Variants in HTR4 observed in about 807,000 individuals in gnomAD.
HTR4 encodes the protein 5-hydroxytryptamine (serotonin) receptor 4, G protein-coupled.
HTR4 carries 16 observed loss-of-function variants against 36.8 expected under a neutral mutation model. The observed-to-expected ratio is 0.43, with a 90% CI of 0.29 to 0.66. The LOEUF is 0.66. HTR4 is among the 30% of genes least tolerant of loss of function. The pLI, the probability that HTR4 is intolerant of heterozygous loss-of-function variation, is 0.13. For synonymous variants in HTR4, 189 were observed against 185.1 expected (o/e 1.02, Z -0.17); for missense variants, 438 against 490.9 (o/e 0.89, Z 1.02).
chr5:148,564,987 A>G, intron 2 of HTR4, among the ~76,000 whole-genome samples: 1 of 151,676 alleles, frequency 6.6e-6, no homozygotes, highest in East Asian at 1.9e-4. Flanking sequence ...GCAGGCACCT[A>G]TAATACCAGC....
chr5:148,534,135 C>A (rs1456194151), intron 4 of HTR4, among the ~76,000 whole-genome samples: 2 of 152,112 alleles, frequency 1.3e-5, no homozygotes, highest in African/African-American at 4.8e-5. Context: ...ATGTTACATG[C>A]CAATAGATAA....
In HTR4 at chr5:148,481,736, A is replaced by G. The variant is rs2113715881; in HGVS notation, c.*1467T>C. 1 of 1,433,354 alleles carries G rather than the reference A, an allele frequency of 7.0e-7. No individual in the cohort carries two copies. The highest frequency in any genetic ancestry group is 1.6e-5 in the South Asian group (1 of 63,036). 88.8% of individuals were successfully genotyped at this position (1,433,354 alleles called of 1,614,324 possible). A position where few individuals can be genotyped will look rare whatever the true frequency, so the allele number is the denominator to read the frequency against. The stretch of plus-strand genomic sequence containing the variant: ...ATGCTATTAAACCACAGCCAAGATC[A>G]AAGTCAGAATCTCACATGGCTCTGG... On this transcript the variant is annotated 3_prime_UTR_variant, in exon 7 of 7. Coordinates refer to ENST00000377888, the MANE Select transcript of HTR4 (RefSeq NM_000870.7).
chr5:148,557,047 T>C lies in HTR4; in HGVS notation c.27-6785A>G, dbSNP rs539895138. On this transcript the variant is annotated intron_variant, in intron 2 of 6. Coordinates refer to ENST00000377888, the MANE Select transcript of HTR4 (RefSeq NM_000870.7). The stretch of plus-strand genomic sequence containing the variant: ...GGAAATGAGCAAGGGACTGAGCATC[T>C]GAGATGAGCTCAGACAAGTAGTCGG... 8.7e-4 allele frequency among the ~76,000 whole-genome samples: 132 copies of C among 152,268 alleles called. 1 individual carries two copies. The highest frequency in any genetic ancestry group is 3.1e-3 in the African/African-American group (129 of 41,556).
chr5:148,638,056 A>G (rs1753608471), intron 1 of HTR4, among the ~76,000 whole-genome samples: 1 of 152,188 alleles, frequency 6.6e-6, no homozygotes, highest in Non-Finnish European at 1.5e-5. Flanking sequence ...TATCTACATA[A>G]AAGAACCATG....
At chr5:148,527,049 G>T (rs908489478) in intron 4 of HTR4, among the ~76,000 whole-genome samples, 5 of 152,138 alleles carry the variant, frequency 3.3e-5, no homozygotes, top group Non-Finnish European at 7.4e-5. Context: ...TCAACACAAA[G>T]AAATGATAAA....
chr5:148,525,199 C>T (rs1382795255), intron 4 of HTR4, among the ~76,000 whole-genome samples: 1 of 152,198 alleles, frequency 6.6e-6, no homozygotes, highest in Non-Finnish European at 1.5e-5. Flanking sequence ...TCCCTCCACA[C>T]TGTTGGCTTA....
chr5:148,517,746 G>A (rs77414382), intron 5 of HTR4, among the ~76,000 whole-genome samples: 2,203 of 152,130 alleles, frequency 0.014, 57 homozygotes, highest in African/African-American at 0.05. Flanking sequence ...TCACCTGTCA[G>A]ATTACTTCAA....
At chr5:148,507,940 T>A (rs1206486486) in intron 6 of HTR4, among the ~76,000 whole-genome samples, 1 of 152,146 alleles carries the variant, frequency 6.6e-6, no homozygotes, top group African/African-American at 2.4e-5. Context: ...TCTATGACAC[T>A]CCTGAAGGCA....
chr5:148,501,234 T>TA (rs1025978374), intron 6 of HTR4, among the ~76,000 whole-genome samples: 4 of 152,096 alleles, frequency 2.6e-5, no homozygotes, highest in African/African-American at 9.7e-5. Flanking sequence ...TGTTAAAGGA[T>TA]AAAAAAACAA....
Position 148,483,160 on chromosome 5 carries a change from C to T in HTR4, c.*43G>A. On this transcript the variant is annotated 3_prime_UTR_variant, in exon 7 of 7. Coordinates refer to ENST00000377888, the MANE Select transcript of HTR4 (RefSeq NM_000870.7). ...AAGCAGCAGCTTAGGACCTGGCCCTCTTTCGGAGGCATGGCTGTCTTCTGG... is the reference window on the plus strand; with the variant it reads ...AAGCAGCAGCTTAGGACCTGGCCCTTTTTCGGAGGCATGGCTGTCTTCTGG... 1 of 1,613,704 alleles carries T rather than the reference C, an allele frequency of 6.2e-7. No homozygotes were observed. Among genetic ancestry groups the T allele is most frequent in the Non-Finnish European group, 8.5e-7 (1 of 1,179,740 alleles).
Position 148,521,640 on chromosome 5 carries a change from T to C in HTR4, c.507+1553A>G, listed in dbSNP as rs549994771. Among the ~76,000 whole-genome samples, 3 of 152,040 alleles carry C rather than the reference T, an allele frequency of 2.0e-5. No homozygotes were observed. The South Asian group carries it at 6.2e-4, about 32-fold the overall frequency. ...ATTCCTTACAGTATCCCTTTCTCTC[T>C]CTCTACACAAACACACACACCCATT... On this transcript the variant is annotated intron_variant, in intron 5 of 6. Coordinates refer to ENST00000377888, the MANE Select transcript of HTR4 (RefSeq NM_000870.7).
At chr5:148,503,845 T>C (rs1283557353) in intron 6 of HTR4, among the ~76,000 whole-genome samples, 1 of 152,148 alleles carries the variant, frequency 6.6e-6, no homozygotes, top group African/African-American at 2.4e-5. Context: ...CTTGCAATCC[T>C]AGTCTCTGAT....
At chr5:148,556,196 GTA>G (rs1759944974) in intron 2 of HTR4, among the ~76,000 whole-genome samples, 1 of 152,010 alleles carries the variant, frequency 6.6e-6, no homozygotes, top group Non-Finnish European at 1.5e-5. Context: ...GCTAATTTTT[GTA>G]TTTTTAGTAG....
At chr5:148,506,909 C>T (rs1430847694) in intron 6 of HTR4, among the ~76,000 whole-genome samples, 3 of 152,284 alleles carry the variant, frequency 2.0e-5, no homozygotes, top group South Asian at 2.1e-4. Flanking sequence ...AATAGGAACA[C>T]TTTTACACTG....
At chr5:148,459,974 T>C (rs10075211) in intron 5 of HTR4, among the ~76,000 whole-genome samples, 82,985 of 151,888 alleles carry the variant, frequency 0.55, 24,096 homozygotes, top group East Asian at 0.8. Context: ...AGTAGAAATG[T>C]TAAAGGTCAA....
At chr5:148,455,236 G>A (rs141380051) in intron 5 of HTR4, among the ~76,000 whole-genome samples, 4 of 152,204 alleles carry the variant, frequency 2.6e-5, no homozygotes, top group East Asian at 1.9e-4. Context: ...CATGGTGCCC[G>A]TACCCTTAAC....
At position 148,509,966 on chromosome 5, in the gene HTR4, T is replaced by C; in HGVS notation, c.566A>G (p.Asn189Ser). The change falls in exon 6 of 7, where the codon AAC (asparagine) becomes AGC (serine). Residue 189 changes from asparagine (N) to serine (S), a missense_variant. Physicochemically the swap from Asn to Ser is conservative, Grantham distance 46. Coordinates refer to ENST00000377888, the MANE Select transcript of HTR4 (RefSeq NM_000870.7). ...SNSTYCVFMV[N>S]KPYAITCSVV... Reference sequence around the variant, plus strand: ...AGAGCAGGTGATGGCGTAGGGCTTGTTGACCATGAAGACACAGTACGTAGA... The same window carrying C: ...AGAGCAGGTGATGGCGTAGGGCTTGCTGACCATGAAGACACAGTACGTAGA... 6.2e-7 allele frequency: 1 copy of C among 1,613,878 alleles called. No homozygotes were observed. Among genetic ancestry groups the C allele is most frequent in the African/African-American group, 1.3e-5 (1 of 75,022 alleles).
chr5:148,510,010 C>T lies in HTR4; in HGVS notation c.522G>A (p.Lys174=), dbSNP rs755035049. The change falls in exon 6 of 7, where the codon AAG becomes AAA. Residue 174 remains lysine (K), a synonymous_variant. Coordinates refer to ENST00000377888, the MANE Select transcript of HTR4 (RefSeq NM_000870.7). ...ACGTAGAGTTAGAGTTCTGGTTGAA[C>T]TTCCTCTTTTCTATCTGAGAGTTGG... The part of the protein sequence containing the change: ...IGIIDLIEKR[K]FNQNSNSTYC... 11 of 1,610,598 alleles carry T rather than the reference C, an allele frequency of 6.8e-6. No individual in the cohort carries two copies. The South Asian group carries it at 1.1e-4, about 16-fold the overall frequency.
chr5:148,617,177 A>G (rs1763156762), intron 2 of HTR4, among the ~76,000 whole-genome samples: 1 of 152,160 alleles, frequency 6.6e-6, no homozygotes, highest in Non-Finnish European at 1.5e-5. Flanking sequence ...TGTTCTCACA[A>G]TAGTGAGTGA....
Sources: gnomAD v4.1 joint callset for allele counts (sites outside exome capture counted in the v4.1 genomes callset) on GRCh38, gnomAD v4.1.1 for gene constraint, MANE v1.5 for transcripts, NCBI Gene and HGNC (gene_info 2026-07-23, HGNC 2026-07-21) for gene names.